RCBTB1: variants seen among roughly 807,000 people sequenced by gnomAD.
RCBTB1 encodes the protein RCC1 and BTB domain-containing protein 1.
In RCBTB1, 46 loss-of-function variants were observed where a neutral mutation model predicts 62.4. The observed-to-expected ratio is 0.74, with a 90% confidence interval of 0.58 to 0.94. RCBTB1 has a LOEUF of 0.94. RCBTB1 is among the 40% of genes least tolerant of loss of function. The pLI is 0.00. For missense variants in RCBTB1, 565 were observed against 654.9 expected (o/e 0.86, Z 1.50); for synonymous variants, 222 against 245.8 (o/e 0.90, Z 0.91).
intron 9 of RCBTB1, 114 bp from the exon 10 acceptor site, chr13:49,544,977 C>A: frequency 7.4e-6 from 6 of 806,376 alleles, no homozygotes; most frequent in Admixed American, 2.6e-5. Flanking sequence ...GTTTTTTTTT[C>A]AAGAGTTCAT....
intron 1 of RCBTB1, among the ~76,000 whole-genome samples, 152 bp downstream of exon 1, chr13:49,585,292 C>A (rs1211950871): frequency 6.6e-6 from 1 of 152,158 alleles, no homozygotes; most frequent in Non-Finnish European, 1.5e-5. Context: ...CCGGACGCAG[C>A]GCCCGCAGGG....
chr13:49,552,648 G>C (rs1462792371), intron 6 of RCBTB1, among the ~76,000 whole-genome samples: 1 of 152,056 alleles, frequency 6.6e-6, no homozygotes, highest in Non-Finnish European at 1.5e-5. Flanking sequence ...CAAATTTTTT[G>C]CTGATGGGTA....
At chr13:49,574,422 C>A (rs962482848) in intron 2 of RCBTB1, among the ~76,000 whole-genome samples, 1 of 152,138 alleles carries the variant, frequency 6.6e-6, no homozygotes, top group Non-Finnish European at 1.5e-5. Flanking sequence ...CTCGGCCAGT[C>A]CCAAATTTCT....
At chr13:49,538,956 C>G (rs113172923) in intron 12 of RCBTB1, among the ~76,000 whole-genome samples, 2,429 of 149,696 alleles carry the variant, frequency 0.016, 91 homozygotes, top group East Asian at 0.14. Flanking sequence ...TACAACTTCT[C>G]CCTCCCAGAT....
chr13:49,535,454 G>A (rs1959864388), intron 12 of RCBTB1, among the ~76,000 whole-genome samples: 2 of 152,128 alleles, frequency 1.3e-5, no homozygotes, highest in South Asian at 4.1e-4. Context: ...ATTACAACTT[G>A]GTTAGCTGGT....
In RCBTB1 at chr13:49,559,999, G is replaced by T. The variant is rs751946246; in HGVS notation, c.363C>A (p.Val121=). ...CTTGCTTGATCAAGAGATTGGTACAGACCTGGACGGGAGCAATGCCTTGGT... is the reference window on the plus strand; with the variant it reads ...CTTGCTTGATCAAGAGATTGGTACATACCTGGACGGGAGCAATGCCTTGGT... ...TTNQGIAPVQ[V]CTNLLIKQVV... is the part of the protein sequence containing the mutation. Residue 121 remains valine, a synonymous_variant, in exon 5 of 13, where the codon GTC becomes GTA. Coordinates refer to ENST00000378302, the MANE Select transcript of RCBTB1 (RefSeq NM_018191.4). The T allele has an allele frequency of 7.4e-6, 12 of 1,614,036 alleles. No individual in the cohort carries two copies. The highest frequency in any genetic ancestry group is 1.0e-5 in the Non-Finnish European group (12 of 1,180,022).
At chr13:49,548,894 G>A (rs1254830543) in intron 9 of RCBTB1, among the ~76,000 whole-genome samples, 1 of 96,676 alleles carries the variant, frequency 1.0e-5, no homozygotes, top group Non-Finnish European at 1.9e-5. Context: ...TGTAGGCCAG[G>A]CACAGTGGCA....
chr13:49,549,134 T>TAAAAA (rs66645127), intron 9 of RCBTB1, among the ~76,000 whole-genome samples: 2 of 117,298 alleles, frequency 1.7e-5, no homozygotes. Context: ...TCTGTCTCAA[T>TAAAAA]AAAAAAAAAA....
At chr13:49,537,523 G>A (rs982806940) in intron 12 of RCBTB1, among the ~76,000 whole-genome samples, 9 of 152,240 alleles carry the variant, frequency 5.9e-5, no homozygotes, top group South Asian at 2.1e-4. Flanking sequence ...CTGGGCTCAC[G>A]TTTATCGCTT....
chr13:49,562,782 T>C (rs1225525084), intron 4 of RCBTB1, among the ~76,000 whole-genome samples: 18,254 of 115,432 alleles, frequency 0.16, 2,351 homozygotes, highest in South Asian at 0.33. Context: ...CCGGCTTTTT[T>C]TTTTTTTTTT....
chr13:49,552,260 T>C lies in RCBTB1; in HGVS notation c.629A>G (p.Asn210Ser), dbSNP rs1961430893. 7 of 1,602,660 alleles carry C rather than the reference T, an allele frequency of 4.4e-6. No homozygotes were observed. Among genetic ancestry groups the C allele is most frequent in the Non-Finnish European group, 6.0e-6 (7 of 1,174,098 alleles). Residue 210 changes from asparagine to serine, a missense_variant, in exon 7 of 13, where the codon AAC becomes AGC. By Grantham distance (46) the Asn-to-Ser change is conservative. Transcript: ENST00000378302. Reference protein sequence around the residue: ...GEVYGWGYNGNGQLGLGNNGN... With the variant: ...GEVYGWGYNGSGQLGLGNNGN... ...ATTGTTTCCCAGGCCCAGCTGACCG[T>C]TGCCATTGTAACCCCAGCCATATAC...
chr13:49,557,008 G>A (rs1961961391), intron 5 of RCBTB1, among the ~76,000 whole-genome samples: 1 of 152,112 alleles, frequency 6.6e-6, no homozygotes, highest in Admixed American at 6.6e-5. Context: ...ACCAAGAAAT[G>A]GACTAGGAAA....
intron 4 of RCBTB1, 136 bp from the exon 5 acceptor site, chr13:49,560,220 C>T (rs1962326729): frequency 1.1e-6 from 1 of 913,606 alleles, no homozygotes; most frequent in Non-Finnish European, 1.7e-6. Flanking sequence ...ATTAAGTAAC[C>T]ATGGACAGAG....
chr13:49,564,424 A>T (rs772210757), intron 4 of RCBTB1, among the ~76,000 whole-genome samples: 1 of 150,966 alleles, frequency 6.6e-6, no homozygotes, highest in South Asian at 2.1e-4. Context: ...GTCTCTACTA[A>T]AAGTACAAAA....
intron 5 of RCBTB1, among the ~76,000 whole-genome samples, chr13:49,558,695 C>CAAAAAAA (rs1186659232): frequency 1.7e-4 from 10 of 59,356 alleles, no homozygotes; most frequent in African/African-American, 7.0e-4. Flanking sequence ...ACTCTGTCTC[C>CAAAAAAA]AAAAAAAAAA....
chr13:49,570,500 G>T (rs1184433586), intron 2 of RCBTB1, among the ~76,000 whole-genome samples: 4 of 152,188 alleles, frequency 2.6e-5, no homozygotes, highest in Non-Finnish European at 5.9e-5. Flanking sequence ...GAGTGCTGAG[G>T]CCTGTGTCCC....
chr13:49,565,952 T>TATG (rs1962961096), intron 4 of RCBTB1, among the ~76,000 whole-genome samples: 1 of 151,318 alleles, frequency 6.6e-6, no homozygotes, highest in South Asian at 2.1e-4. Context: ...GCTGTTGATC[T>TATG]ATGACCTTAC....
Position 49,533,890 on chromosome 13 carries a change from C to T in RCBTB1, c.*232G>A, listed in dbSNP as rs536489181. Reference sequence around the variant, plus strand: ...TTTTACATGTTCCAGCCCAAATTTACGAAAGGTCACATTTAAAATACACTT... The same window carrying T: ...TTTTACATGTTCCAGCCCAAATTTATGAAAGGTCACATTTAAAATACACTT... On this transcript the variant is annotated 3_prime_UTR_variant, in exon 13 of 13. Coordinates refer to ENST00000378302, the MANE Select transcript of RCBTB1 (RefSeq NM_018191.4). 1.8e-5 allele frequency: 7 copies of T among 380,754 alleles called. No homozygotes were observed. The highest frequency in any genetic ancestry group is 4.2e-5 in the East Asian group (1 of 23,898). 23.6% of individuals were successfully genotyped at this position (380,754 alleles called of 1,614,324 possible).
chr13:49,551,928 A>G (rs1389479625), intron 7 of RCBTB1, among the ~76,000 whole-genome samples: 1 of 148,972 alleles, frequency 6.7e-6, no homozygotes, highest in East Asian at 2.0e-4. Flanking sequence ...GCATTAGAAA[A>G]GCCTAAACCT....
Sources: allele counts gnomAD v4.1 joint callset (sites outside exome capture counted in the v4.1 genomes callset), GRCh38; gene constraint gnomAD v4.1.1; transcripts MANE v1.5; gene names NCBI Gene and HGNC (gene_info 2026-07-23, HGNC 2026-07-21).